CMIP: variants seen among roughly 807,000 people sequenced by gnomAD.
CMIP encodes the protein C-Maf-inducing protein.
CMIP carries 13 observed loss-of-function variants against 97.3 expected under a neutral mutation model. The observed-to-expected ratio is 0.13, with a 90% CI of 0.09 to 0.21. CMIP has a LOEUF of 0.21. Among genes scored for constraint, CMIP ranks in the 10% least tolerant of loss-of-function variants. The pLI is 1.00. For missense variants in CMIP, 847 were observed against 1,024.9 expected, an observed-to-expected ratio of 0.83 and a Z score of 2.37; for synonymous variants, 538 against 436.3, an observed-to-expected ratio of 1.23 and a Z score of -2.91.
intron 1 of CMIP, among the ~76,000 whole-genome samples, chr16:81,466,539 G>A (rs1907216836): frequency 6.6e-6 from 1 of 152,222 alleles, no homozygotes; most frequent in Non-Finnish European, 1.5e-5. Flanking sequence ...ATGGGGGTGT[G>A]TCTACATCAC....
rs147695649 is a variant in CMIP, at chr16:81,658,155, G to A, written c.681+339G>A. Reference sequence around the variant, plus strand: ...GAGGCATCACCCCATTAGCTGAAAGGTAAACGTTCTCTTTCTTGCCCCAGG... The same window carrying A: ...GAGGCATCACCCCATTAGCTGAAAGATAAACGTTCTCTTTCTTGCCCCAGG... On this transcript the variant is annotated intron_variant, in intron 5 of 20. Transcript: ENST00000537098. 8.3e-3 allele frequency among the ~76,000 whole-genome samples: 1,262 copies of A among 152,314 alleles called. 17 individuals are homozygous for A. The highest frequency in any genetic ancestry group is 0.028 in the African/African-American group (1,144 of 41,546).
At chr16:81,608,484 C>A (rs113107571) in intron 2 of CMIP, among the ~76,000 whole-genome samples, 1 of 152,106 alleles carries the variant, frequency 6.6e-6, no homozygotes, top group East Asian at 1.9e-4. Context: ...TAAGAGTGAG[C>A]GCCCTTTTTC....
At chr16:81,682,849 G>T (rs1905010318) in intron 10 of CMIP, among the ~76,000 whole-genome samples, 1 of 152,172 alleles carries the variant, frequency 6.6e-6, no homozygotes, top group Non-Finnish European at 1.5e-5. Flanking sequence ...TTTCCTGGAG[G>T]TCCTTGAAAA....
intron 1 of CMIP, among the ~76,000 whole-genome samples, chr16:81,594,118 C>T (rs1290582502): frequency 7.4e-6 from 1 of 134,260 alleles, no homozygotes; most frequent in Non-Finnish European, 1.6e-5. Context: ...CCCCATTCTC[C>T]CCCCTCCTCC....
chr16:81,467,019 C>A (rs762798667), intron 1 of CMIP, among the ~76,000 whole-genome samples: 1 of 152,130 alleles, frequency 6.6e-6, no homozygotes, highest in South Asian at 2.1e-4. Context: ...AAACAGAAAC[C>A]CCCAAACTGC....
At chr16:81,544,066 G>C (rs1470669189) in intron 1 of CMIP, among the ~76,000 whole-genome samples, 1 of 152,228 alleles carries the variant, frequency 6.6e-6, no homozygotes, top group African/African-American at 2.4e-5. Flanking sequence ...TTAGAAAACA[G>C]TTCATCAGCC....
intron 7 of CMIP, chr16:81,666,267 G>A (rs1447748043): frequency 6.6e-6 from 1 of 152,174 alleles, no homozygotes; most frequent in Non-Finnish European, 1.5e-5. Flanking sequence ...GTTTTCTTGC[G>A]AAGGACCTTA....
intron 1 of CMIP, among the ~76,000 whole-genome samples, chr16:81,504,606 G>A (rs1384473385): frequency 7.2e-5 from 9 of 124,340 alleles, no homozygotes; most frequent in African/African-American, 2.9e-4. Flanking sequence ...TTGTGCCATC[G>A]CACTCCAGCC....
At chr16:81,534,785 A>G (rs1465935065) in intron 1 of CMIP, among the ~76,000 whole-genome samples, 2 of 152,196 alleles carry the variant, frequency 1.3e-5, no homozygotes, top group Non-Finnish European at 2.9e-5. Context: ...GTCTGTTATC[A>G]TTCACTCAAT....
chr16:81,582,718 C>G (rs2091316269), intron 1 of CMIP, among the ~76,000 whole-genome samples: 1 of 152,198 alleles, frequency 6.6e-6, no homozygotes, highest in Non-Finnish European at 1.5e-5. Flanking sequence ...GGGCACAGTC[C>G]TGACTAGTGT....
chr16:81,677,490 T>A (rs555926946), intron 9 of CMIP, among the ~76,000 whole-genome samples: 1 of 152,216 alleles, frequency 6.6e-6, no homozygotes, highest in East Asian at 1.9e-4. Context: ...TCCCTTATAA[T>A]GCACCTCCCA....
chr16:81,496,301 C>T (rs1363194587), intron 1 of CMIP, among the ~76,000 whole-genome samples: 1 of 152,136 alleles, frequency 6.6e-6, no homozygotes, highest in Non-Finnish European at 1.5e-5. Flanking sequence ...GTTGTGTGCT[C>T]AGAATACAGC....
intron 3 of CMIP, among the ~76,000 whole-genome samples, chr16:81,644,171 G>T (rs1224703675): frequency 6.6e-6 from 1 of 152,240 alleles, no homozygotes; most frequent in Non-Finnish European, 1.5e-5. Context: ...TAAGTTGAGT[G>T]TCTTCTCGTT....
rs1906370361 is a variant in CMIP at position 81,453,630 on chromosome 16, G to A, written c.300+8089G>A. Among the ~76,000 whole-genome samples, 2 of 152,242 alleles carry A rather than the reference G, an allele frequency of 1.3e-5. No homozygotes were observed. Among genetic ancestry groups the A allele is most frequent in the Non-Finnish European group, 2.9e-5 (2 of 68,046 alleles). ...AGGCTCTGCAGGGAAGGAGAGCCAC[G>A]GGTATGGAAGGGGCTGTGTGTTCCC... On this transcript the variant is annotated intron_variant, in intron 1 of 20. Coordinates refer to ENST00000537098, the MANE Select transcript of CMIP (RefSeq NM_198390.3). This position sits in a 1 kb window ranked among gnomAD's most constrained non-coding sequence, Gnocchi z 4.0.
At chr16:81,662,062 C>G in intron 6 of CMIP, among the ~76,000 whole-genome samples, 1 of 152,154 alleles carries the variant, frequency 6.6e-6, no homozygotes, top group South Asian at 2.1e-4. Context: ...ACACAAGGGC[C>G]TTGTCTGCCT....
At chr16:81,445,597 C>T in intron 1 of CMIP, 56 bp downstream of exon 1, 2 of 1,504,370 alleles carry the variant, frequency 1.3e-6, no homozygotes, top group Non-Finnish European at 1.8e-6. Flanking sequence ...GAGATGCGCC[C>T]TCCCTGGCTG....
In CMIP at chr16:81,487,379, G is replaced by A. The variant is rs566372632; in HGVS notation, c.300+41838G>A. Among the ~76,000 whole-genome samples the A allele has an allele frequency of 1.3e-3, 192 of 152,348 alleles. 5 individuals are homozygous for A. In the South Asian group the frequency reaches 0.037, roughly 29 times the overall value. On this transcript the variant is annotated intron_variant, in intron 1 of 20. Transcript: ENST00000537098. ...CAAACCTGGGTGGTCAGGGCCGAGTGGGGCTCTGACTGCTCCACTCCCGAG... is the reference window on the plus strand; with the variant it reads ...CAAACCTGGGTGGTCAGGGCCGAGTAGGGCTCTGACTGCTCCACTCCCGAG...
chr16:81,582,543 C>T (rs967116045), intron 1 of CMIP, among the ~76,000 whole-genome samples: 1 of 152,096 alleles, frequency 6.6e-6, no homozygotes, highest in African/African-American at 2.4e-5. Flanking sequence ...ATCTGTGCAC[C>T]TTGTTGATGG....
intron 1 of CMIP, among the ~76,000 whole-genome samples, chr16:81,555,840 C>T (rs994078570): frequency 6.6e-6 from 1 of 152,130 alleles, no homozygotes; most frequent in Non-Finnish European, 1.5e-5. Context: ...TGATTCCTGC[C>T]AAGTGATTTT....
Sources: gnomAD v4.1 joint callset for allele counts (sites outside exome capture counted in the v4.1 genomes callset) on GRCh38, gnomAD v4.1.1 for gene constraint, Gnocchi (gnomAD v3.1) non-coding constraint, MANE v1.5 for transcripts, NCBI Gene and HGNC (gene_info 2026-07-23, HGNC 2026-07-21) for gene names.